The following CNTNAP5 variants were observed in gnomAD, a reference collection of about 807,000 sequenced individuals.
CNTNAP5 encodes the protein contactin associated protein family member 5.
In CNTNAP5, 72 loss-of-function variants were observed where a neutral mutation model predicts 150.2. The ratio of observed to expected loss-of-function variants is 0.48; its 90% CI spans 0.40 to 0.58. The LOEUF (loss-of-function observed/expected upper bound fraction) is 0.58. CNTNAP5 is among the 20% of genes least tolerant of loss of function. The pLI, the probability that CNTNAP5 is intolerant of heterozygous loss-of-function variation, is 0.00. For missense variants in CNTNAP5, 1,636 were observed against 1,626.2 expected (o/e 1.01, Z -0.10); for synonymous variants, 672 against 619.8 (o/e 1.08, Z -1.25).
At chr2:124,737,827 C>T (rs921384234) in intron 13 of CNTNAP5, among the ~76,000 whole-genome samples, 1 of 152,062 alleles carries the variant, frequency 6.6e-6, no homozygotes, top group African/African-American at 2.4e-5. Context: ...GTAATTTTAC[C>T]TCTATCTATG....
At chr2:124,185,536 G>A (rs1187746453) in intron 1 of CNTNAP5, among the ~76,000 whole-genome samples, 1 of 152,124 alleles carries the variant, frequency 6.6e-6, no homozygotes, top group Non-Finnish European at 1.5e-5. Context: ...TTCATCCCCT[G>A]TCAAACCATA....
At chr2:124,359,376 C>CTA (rs1690130250) in intron 3 of CNTNAP5, among the ~76,000 whole-genome samples, 1 of 151,188 alleles carries the variant, frequency 6.6e-6, no homozygotes, top group Admixed American at 6.6e-5. Flanking sequence ...TTGCTTTTCT[C>CTA]GTTCTTTTAA....
At chr2:124,893,154 G>T (rs1257685439) in intron 21 of CNTNAP5, among the ~76,000 whole-genome samples, 1 of 152,084 alleles carries the variant, frequency 6.6e-6, no homozygotes, top group Non-Finnish European at 1.5e-5. Flanking sequence ...GCTGGGACTG[G>T]GTTCACAGAG....
intron 3 of CNTNAP5, among the ~76,000 whole-genome samples, chr2:124,358,141 G>A (rs1690075600): frequency 6.6e-6 from 1 of 152,162 alleles, no homozygotes; most frequent in Non-Finnish European, 1.5e-5. Context: ...TGTGATTTTT[G>A]TACATTGATT....
intron 8 of CNTNAP5, among the ~76,000 whole-genome samples, chr2:124,520,207 CTACAT>C (rs2104881952): frequency 1.3e-5 from 2 of 152,224 alleles, no homozygotes; most frequent in Admixed American, 1.3e-4. Context: ...TGTTTAATGA[CTACAT>C]TATATACCAT....
intron 4 of CNTNAP5, among the ~76,000 whole-genome samples, chr2:124,433,129 C>T (rs1019857529): frequency 6.6e-6 from 1 of 152,162 alleles, no homozygotes; most frequent in Non-Finnish European, 1.5e-5. Flanking sequence ...ATACCACAGT[C>T]CTCACTATTC....
At chr2:124,731,862 GTGTA>G (rs1680279450) in intron 13 of CNTNAP5, among the ~76,000 whole-genome samples, 1 of 151,822 alleles carries the variant, frequency 6.6e-6, no homozygotes. Context: ...ATGAGTGTGA[GTGTA>G]TGTGTGTGTG....
Position 124,287,499 on chromosome 2 carries a change from T to G in CNTNAP5, c.381+45106T>G, listed in dbSNP as rs1688185218. Among the ~76,000 whole-genome samples the G allele has an allele frequency of 3.3e-5, 5 of 152,184 alleles. No homozygotes were observed. In the South Asian group the frequency reaches 1.0e-3, roughly 32 times the overall value. ...ATGACTGCCTTGTTTATTTATTGTG[T>G]TTTTAGAGAAGCTCAAATTAGACCA... On this transcript the variant is annotated intron_variant, in intron 3 of 23. Coordinates refer to ENST00000682447, the MANE Select transcript of CNTNAP5 (RefSeq NM_001367498.1).
Position 124,057,255 on chromosome 2 carries a change from C to T in CNTNAP5, c.82+31523C>T, listed in dbSNP as rs117074347. ...ACCTGACTCTTTCTTTCTCCTTGTC[C>T]CCTACATCGAATAAATTAACAAGTC... On this transcript the variant is annotated intron_variant, in intron 1 of 23. Transcript: ENST00000682447. Among the ~76,000 whole-genome samples the T allele has an allele frequency of 2.1e-4, 32 of 150,276 alleles. No homozygotes were observed. The East Asian group carries it at 5.9e-3, about 28-fold the overall frequency.
intron 13 of CNTNAP5, among the ~76,000 whole-genome samples, chr2:124,692,143 G>A (rs1679312400): frequency 6.6e-6 from 1 of 152,126 alleles, no homozygotes; most frequent in Non-Finnish European, 1.5e-5. Flanking sequence ...CATGAGTGAA[G>A]CCCTTTGGGG....
chr2:124,058,837 C>G (rs552010571), intron 1 of CNTNAP5, among the ~76,000 whole-genome samples: 58 of 152,134 alleles, frequency 3.8e-4, no homozygotes, highest in East Asian at 2.9e-3. Context: ...GGTTTTTATC[C>G]CCATGTTGAG....
At chr2:124,029,385 T>C (rs1680982978) in intron 1 of CNTNAP5, among the ~76,000 whole-genome samples, 1 of 152,082 alleles carries the variant, frequency 6.6e-6, no homozygotes, top group African/African-American at 2.4e-5. Context: ...CAATGCTCAT[T>C]TGGAAGAGTC....
chr2:124,805,006 T>G (rs1431859639), intron 19 of CNTNAP5, among the ~76,000 whole-genome samples: 3 of 149,444 alleles, frequency 2.0e-5, no homozygotes, highest in Non-Finnish European at 4.4e-5. Context: ...CCTCTTTGTA[T>G]GAAATACTCT....
intron 3 of CNTNAP5, among the ~76,000 whole-genome samples, chr2:124,249,076 A>AT (rs1445183958): frequency 6.6e-6 from 1 of 152,014 alleles, no homozygotes; most frequent in African/African-American, 2.4e-5. Context: ...CTAAGCTCTG[A>AT]TTTTTTATCT....
chr2:124,165,670 G>A (rs910053895), intron 1 of CNTNAP5, among the ~76,000 whole-genome samples: 5 of 152,142 alleles, frequency 3.3e-5, no homozygotes, highest in Non-Finnish European at 7.3e-5. Context: ...GAGGTGCTCA[G>A]GCTGAAGAAT....
chr2:124,790,825 A>G (rs771085073), intron 18 of CNTNAP5, among the ~76,000 whole-genome samples: 1 of 152,208 alleles, frequency 6.6e-6, no homozygotes, highest in Non-Finnish European at 1.5e-5. Context: ...AGGAATGAGG[A>G]TCATTGCTTA....
chr2:124,305,673 A>T (rs1688671077), intron 3 of CNTNAP5, among the ~76,000 whole-genome samples: 1 of 152,122 alleles, frequency 6.6e-6, no homozygotes, highest in African/African-American at 2.4e-5. Context: ...TGACCTTGTT[A>T]TAAAAGTGAG....
At chr2:124,270,316 A>G (rs1687714892) in intron 3 of CNTNAP5, among the ~76,000 whole-genome samples, 2 of 152,194 alleles carry the variant, frequency 1.3e-5, no homozygotes. Context: ...CTCAAAAAAA[A>G]AAAGGACTTT....
At chr2:124,871,412 G>A (rs747563667) in intron 21 of CNTNAP5, among the ~76,000 whole-genome samples, 13 of 152,080 alleles carry the variant, frequency 8.5e-5, no homozygotes, top group African/African-American at 3.1e-4. Flanking sequence ...GAGGTGTAAC[G>A]GAGCCAGTGG....
Sources: allele counts gnomAD v4.1 joint callset (sites outside exome capture counted in the v4.1 genomes callset), GRCh38; gene constraint gnomAD v4.1.1; transcripts MANE v1.5; gene names NCBI Gene and HGNC (gene_info 2026-07-23, HGNC 2026-07-21).